NEK6: variants seen among roughly 807,000 people sequenced by gnomAD.
NEK6 encodes the protein serine/threonine-protein kinase Nek6.
In NEK6, 27 loss-of-function variants were observed where a neutral mutation model predicts 43.5. The observed-to-expected ratio is 0.62, with a 90% CI of 0.46 to 0.86. NEK6 has a LOEUF of 0.86. NEK6 is among the 40% of genes least tolerant of loss of function. The pLI, the probability that NEK6 is intolerant of heterozygous loss-of-function variation, is 0.00. For missense variants in NEK6, 318 were observed against 414.4 expected, an observed-to-expected ratio of 0.77 and a Z score of 2.02; for synonymous variants, 167 against 164.1, an observed-to-expected ratio of 1.02 and a Z score of -0.14.
In NEK6 at chr9:124,324,541, A is replaced by G. The variant is rs1588514941; in HGVS notation, c.406-1789A>G. On this transcript the variant is annotated intron_variant, in intron 5 of 9. Transcript: ENST00000320246. The surrounding 1 kb of genome is among the most constrained non-coding windows in gnomAD (Gnocchi z 5.3). ...AGGACATGACATTTAGAAAATCACC[A>G]CTCTCGGCCACGCGCGTCCCTGCTT... Among the ~76,000 whole-genome samples the G allele has an allele frequency of 6.6e-6, 1 of 151,006 alleles. No homozygotes were observed. Among genetic ancestry groups the G allele is most frequent in the South Asian group, 2.1e-4 (1 of 4,768 alleles).
intron 8 of NEK6, among the ~76,000 whole-genome samples, chr9:124,340,320 G>A (rs745922461): frequency 2.6e-5 from 4 of 152,226 alleles, no homozygotes; most frequent in Non-Finnish European, 5.9e-5. Flanking sequence ...CCCAGGTGAT[G>A]AGAGGTGTGG....
chr9:124,284,011 C>A (rs556213045), intron 1 of NEK6, among the ~76,000 whole-genome samples: 1 of 152,356 alleles, frequency 6.6e-6, no homozygotes, highest in Admixed American at 6.5e-5. Context: ...TGTCTGGAGG[C>A]ATGTGACGCC....
At chr9:124,281,738 A>G (rs928217346) in intron 1 of NEK6, among the ~76,000 whole-genome samples, 1 of 152,102 alleles carries the variant, frequency 6.6e-6, no homozygotes, top group Non-Finnish European at 1.5e-5. Flanking sequence ...ACCTCAGGTG[A>G]TCTGCCTACC....
At chr9:124,286,586 G>C (rs1832172258) in intron 1 of NEK6, 1 of 152,304 alleles carries the variant, frequency 6.6e-6, no homozygotes, top group African/African-American at 2.4e-5. Flanking sequence ...ACCTCCTCGT[G>C]TCAAAGGTGA....
intron 2 of NEK6, among the ~76,000 whole-genome samples, chr9:124,304,425 CG>C (rs1833152837): frequency 6.6e-6 from 1 of 152,178 alleles, no homozygotes; most frequent in Admixed American, 6.5e-5. Context: ...TCTCATTAGC[CG>C]GGTGAGACTA....
At chr9:124,300,792 C>T (rs957799006) in intron 1 of NEK6, among the ~76,000 whole-genome samples, 1 of 146,404 alleles carries the variant, frequency 6.8e-6, no homozygotes, top group Non-Finnish European at 1.5e-5. Context: ...TAAGGGCCAC[C>T]GCAGGGGAGG....
At chr9:124,297,473 C>G (rs1260222722) in intron 1 of NEK6, among the ~76,000 whole-genome samples, 1 of 152,250 alleles carries the variant, frequency 6.6e-6, no homozygotes, top group Non-Finnish European at 1.5e-5. Flanking sequence ...CCCCGCCAGC[C>G]TCACTGAACC....
At chr9:124,262,351 G>A (rs182618621) in intron 1 of NEK6, among the ~76,000 whole-genome samples, 13 of 152,348 alleles carry the variant, frequency 8.5e-5, no homozygotes, top group Non-Finnish European at 1.2e-4. Flanking sequence ...CGACATTGGG[G>A]CAAATCAGTT....
At chr9:124,334,069 GC>G in intron 7 of NEK6, among the ~76,000 whole-genome samples, 1 of 152,296 alleles carries the variant, frequency 6.6e-6, no homozygotes, top group South Asian at 2.1e-4. Flanking sequence ...GAGCCACCAC[GC>G]CCGGCCCAAG....
intron 9 of NEK6, among the ~76,000 whole-genome samples, chr9:124,348,974 G>T (rs757753762): frequency 6.6e-6 from 1 of 152,256 alleles, no homozygotes; most frequent in Non-Finnish European, 1.5e-5. Context: ...GTCTTTGGTG[G>T]CCCATCAATT....
intron 9 of NEK6, 41 bp downstream of exon 9, chr9:124,347,863 GCCA>G: frequency 7.7e-7 from 1 of 1,306,684 alleles, no homozygotes; most frequent in Non-Finnish European, 1.1e-6. Flanking sequence ...GCCCCAGGAG[GCCA>G]CCGAGGCTTA....
At position 124,324,624 on chromosome 9, in the gene NEK6, C is replaced by T. The variant is rs560608089; in HGVS notation, c.406-1706C>T. Among the ~76,000 whole-genome samples, 2 of 152,308 alleles carry T rather than the reference C, an allele frequency of 1.3e-5. No individual in the cohort carries two copies. Among genetic ancestry groups the T allele is most frequent in the South Asian group, 2.1e-4 (1 of 4,828 alleles). The stretch of plus-strand genomic sequence containing the variant: ...GCGTGAATAACATCCCGGCCTGGCC[C>T]GCCACAGGCCTGGAGGTGGCCTGGG... On this transcript the variant is annotated intron_variant, in intron 5 of 9. Transcript: ENST00000320246. This position sits in a 1 kb window ranked among gnomAD's most constrained non-coding sequence, Gnocchi z 5.3.
intron 7 of NEK6, among the ~76,000 whole-genome samples, chr9:124,337,276 T>C (rs1451001934): frequency 2.6e-5 from 4 of 152,188 alleles, no homozygotes; most frequent in African/African-American, 9.7e-5. Flanking sequence ...CCCTCCACAA[T>C]TTCCTCAGTG....
intron 7 of NEK6, among the ~76,000 whole-genome samples, chr9:124,329,005 C>G (rs945766642): frequency 1.3e-5 from 2 of 152,180 alleles, no homozygotes; most frequent in African/African-American, 4.8e-5. Flanking sequence ...TCCAGGCGCT[C>G]GAGAGATTTT....
intron 2 of NEK6, among the ~76,000 whole-genome samples, chr9:124,308,451 A>G (rs1286044540): frequency 6.6e-6 from 1 of 152,138 alleles, no homozygotes; most frequent in Non-Finnish European, 1.5e-5. Flanking sequence ...CAGGTGTTCA[A>G]GACCAGCCTG....
At chr9:124,344,198 G>A (rs1175170302) in intron 8 of NEK6, among the ~76,000 whole-genome samples, 1 of 152,170 alleles carries the variant, frequency 6.6e-6, no homozygotes, top group Non-Finnish European at 1.5e-5. Context: ...TGGGTACGTT[G>A]GGGCCCACCT....
chr9:124,324,163 C>T lies in NEK6; in HGVS notation c.406-2167C>T, dbSNP rs1200857741. The stretch of plus-strand genomic sequence containing the variant: ...TGCAGAGACCCACTCGAGTAAGACA[C>T]GTCCCCTGGATGGCCTCAGGCGGGT... On this transcript the variant is annotated intron_variant, in intron 5 of 9. Transcript: ENST00000320246. The surrounding 1 kb of genome is among the most constrained non-coding windows in gnomAD (Gnocchi z 5.3). Among the ~76,000 whole-genome samples, 1 of 152,218 alleles carries T rather than the reference C, an allele frequency of 6.6e-6. No homozygotes were observed. The highest frequency in any genetic ancestry group is 1.5e-5 in the Non-Finnish European group (1 of 68,050).
chr9:124,266,618 G>A (rs2118887349), intron 1 of NEK6, among the ~76,000 whole-genome samples: 1 of 152,354 alleles, frequency 6.6e-6, no homozygotes, highest in Admixed American at 6.5e-5. Context: ...CTCACAGACT[G>A]AACATGCACT....
intron 7 of NEK6, among the ~76,000 whole-genome samples, chr9:124,336,184 G>C (rs764574939): frequency 2.0e-5 from 3 of 152,156 alleles, no homozygotes; most frequent in Non-Finnish European, 4.4e-5. Context: ...GTTGCAGTGA[G>C]CCAAGATCGC....
Sources: gnomAD v4.1 joint callset for allele counts (sites outside exome capture counted in the v4.1 genomes callset) on GRCh38, gnomAD v4.1.1 for gene constraint, Gnocchi (gnomAD v3.1) non-coding constraint, MANE v1.5 for transcripts, NCBI Gene and HGNC (gene_info 2026-07-23, HGNC 2026-07-21) for gene names.